The following TTC33 variants were observed in gnomAD, a reference collection of about 807,000 sequenced individuals.
TTC33 encodes tetratricopeptide repeat domain 33, also known as tetratricopeptide repeat protein 33.
A neutral mutation model predicts 29.4 loss-of-function variants in TTC33; 24 were observed. The observed-to-expected ratio is 0.82, with a 90% CI of 0.59 to 1.15. TTC33 has a LOEUF of 1.15. TTC33 is among the 50% of genes most tolerant of loss of function. The pLI, the probability that TTC33 is intolerant of heterozygous loss-of-function variation, is 0.00. For synonymous variants in TTC33, 107 were observed against 100.3 expected (o/e 1.07, Z -0.40); for missense variants, 286 against 310.4 (o/e 0.92, Z 0.59).
At chr5:40,740,930 T>TC (rs1282076313) in intron 2 of TTC33, among the ~76,000 whole-genome samples, 1 of 152,236 alleles carries the variant, frequency 6.6e-6, no homozygotes, top group Non-Finnish European at 1.5e-5. Flanking sequence ...TTCTAGATGT[T>TC]CCTTTTTTTA....
chr5:40,738,967 A>G lies in TTC33; in HGVS notation c.221+7831T>C, dbSNP rs184544891. On this transcript the variant is annotated intron_variant, in intron 2 of 4. Coordinates refer to ENST00000337702, the MANE Select transcript of TTC33 (RefSeq NM_012382.3). ...AACAAGTCCTACGTCAGATATATGG[A>G]CTGGAAATATTTTCTCCCAGCCTGT... Among the ~76,000 whole-genome samples the G allele has an allele frequency of 4.6e-5, 7 of 152,284 alleles. No homozygotes were observed. The East Asian group carries it at 1.3e-3, about 29-fold the overall frequency.
intron 2 of TTC33, among the ~76,000 whole-genome samples, chr5:40,743,343 C>A (rs1742733223): frequency 6.6e-6 from 1 of 152,068 alleles, no homozygotes; most frequent in African/African-American, 2.4e-5. Context: ...ATGAAGAAGG[C>A]CCATCTGGCT....
At position 40,722,321 on chromosome 5, in the gene TTC33, C is replaced by T. The variant is rs374019623; in HGVS notation, c.436-5823G>A. ...TGCCGAGATTGCATCCTCTGCCCGGCCGCCACCCCGTCTAGGAAGTGAGGA... is the reference window on the plus strand; with the variant it reads ...TGCCGAGATTGCATCCTCTGCCCGGTCGCCACCCCGTCTAGGAAGTGAGGA... On this transcript the variant is annotated intron_variant, in intron 4 of 4. Coordinates refer to ENST00000337702, the MANE Select transcript of TTC33 (RefSeq NM_012382.3). Among the ~76,000 whole-genome samples, 162 of 152,298 alleles carry T rather than the reference C, an allele frequency of 1.1e-3. 1 individual carries two copies. The East Asian group carries it at 0.026, about 25-fold the overall frequency.
At chr5:40,752,280 T>A (rs991856752) in intron 1 of TTC33, among the ~76,000 whole-genome samples, 3 of 152,176 alleles carry the variant, frequency 2.0e-5, no homozygotes, top group African/African-American at 7.2e-5. Context: ...AATAAAGCGG[T>A]TTTTGCTTTC....
intron 2 of TTC33, among the ~76,000 whole-genome samples, chr5:40,737,299 C>CA (rs574558543): frequency 0.035 from 4,119 of 116,254 alleles, 54 homozygotes; most frequent in Middle Eastern, 0.083. Context: ...GGCTCCACCT[C>CA]AAAAAAAAAA....
At chr5:40,738,539 C>CAATAAAATAAAATAA (rs1164887852) in intron 2 of TTC33, among the ~76,000 whole-genome samples, 1,095 of 66,828 alleles carry the variant, frequency 0.016, 60 homozygotes, top group East Asian at 0.11. Context: ...CAATAAAATA[C>CAATAAAATAAAATAA]AATAAAATAA....
chr5:40,712,361 T>C lies in TTC33; in HGVS notation c.*3784A>G, dbSNP rs905345730. ...TTCGAAATATAATCTGCACTAGTCT[T>C]TGTTAAAGTTTGAGGGAGTCATAAA... On this transcript the variant is annotated 3_prime_UTR_variant, in exon 5 of 5. Coordinates refer to ENST00000337702, the MANE Select transcript of TTC33 (RefSeq NM_012382.3). Among the ~76,000 whole-genome samples the C allele has an allele frequency of 1.3e-5, 2 of 152,162 alleles. No individual in the cohort carries two copies. Among genetic ancestry groups the C allele is most frequent in the African/African-American group, 4.8e-5 (2 of 41,448 alleles).
At chr5:40,723,239 G>A (rs1561144522) in intron 4 of TTC33, among the ~76,000 whole-genome samples, 2 of 152,040 alleles carry the variant, frequency 1.3e-5, no homozygotes, top group Non-Finnish European at 2.9e-5. Context: ...AAGGCAGCAT[G>A]CTCCTTAAGA....
At chr5:40,738,692 A>G (rs1742627518) in intron 2 of TTC33, among the ~76,000 whole-genome samples, 1 of 152,102 alleles carries the variant, frequency 6.6e-6, no homozygotes, top group Non-Finnish European at 1.5e-5. Context: ...AACTTGCTCC[A>G]TATCTTTGCC....
At chr5:40,742,239 C>T (rs1742709891) in intron 2 of TTC33, among the ~76,000 whole-genome samples, 1 of 151,836 alleles carries the variant, frequency 6.6e-6, no homozygotes, top group Admixed American at 6.6e-5. Flanking sequence ...TGGATTTCAG[C>T]CTTATAAGAA....
intron 4 of TTC33, among the ~76,000 whole-genome samples, chr5:40,718,383 A>G (rs1742052108): frequency 6.7e-6 from 1 of 149,192 alleles, no homozygotes; most frequent in Admixed American, 6.6e-5. Context: ...TCCAGCCTGG[A>G]TGAGAGAGCA....
Position 40,714,743 on chromosome 5 carries a change from TA to T in TTC33, c.*1401del, listed in dbSNP as rs1452744668. On this transcript the variant is annotated 3_prime_UTR_variant, in exon 5 of 5. Transcript: ENST00000337702. ...TAATTTCTCCAACCCTGAAAAGAGATATGCATTCCAATAAAACAAAAGTTTT... is the reference window on the plus strand; with the variant it reads ...TAATTTCTCCAACCCTGAAAAGAGATTGCATTCCAATAAAACAAAAGTTTT... 6.6e-6 allele frequency: 1 copy of T among 152,240 alleles called. No homozygotes were observed. The highest frequency in any genetic ancestry group is 1.5e-5 in the Non-Finnish European group (1 of 67,978). 9.4% of individuals were successfully genotyped at this position (152,240 alleles called of 1,614,324 possible).
At chr5:40,738,654 C>T (rs1354161765) in intron 2 of TTC33, among the ~76,000 whole-genome samples, 1 of 151,622 alleles carries the variant, frequency 6.6e-6, no homozygotes, top group Non-Finnish European at 1.5e-5. Context: ...AGCTATTTTA[C>T]ATTTTCATGA....
At chr5:40,745,557 CTCTGTCACCCAAGCT>C (rs1742774892) in intron 2 of TTC33, among the ~76,000 whole-genome samples, 1 of 151,792 alleles carries the variant, frequency 6.6e-6, no homozygotes, top group African/African-American at 2.4e-5. Context: ...CAGCGTCTCA[CTCTGTCACCCAAGCT>C]GGAACCCAAT....
At chr5:40,717,431 T>C (rs1742026345) in intron 4 of TTC33, among the ~76,000 whole-genome samples, 1 of 152,170 alleles carries the variant, frequency 6.6e-6, no homozygotes, top group Non-Finnish European at 1.5e-5. Context: ...TTATTCATTA[T>C]ATTATACTGC....
intron 2 of TTC33, among the ~76,000 whole-genome samples, chr5:40,743,779 A>AT (rs1188758585): frequency 6.6e-6 from 1 of 152,208 alleles, no homozygotes; most frequent in African/African-American, 2.4e-5. Context: ...ACCTCAAAAA[A>AT]ATATATATCT....
intron 1 of TTC33, among the ~76,000 whole-genome samples, chr5:40,751,659 C>T (rs1742896223): frequency 6.6e-6 from 1 of 152,084 alleles, no homozygotes; most frequent in Non-Finnish European, 1.5e-5. Flanking sequence ...CCTGTGTCAT[C>T]CACATTGAAA....
At chr5:40,733,365 A>G (rs933350461) in intron 2 of TTC33, among the ~76,000 whole-genome samples, 2 of 152,094 alleles carry the variant, frequency 1.3e-5, no homozygotes, top group African/African-American at 4.8e-5. Flanking sequence ...ACAACTATTC[A>G]ACTCTATTAC....
Position 40,747,015 on chromosome 5 carries a change from C to T in TTC33, c.4G>A (p.Ala2Thr). M[A>T]SFGWKRKIGE... ...ATTTTCCTCTTCCACCCAAAGGAAG[C>T]CATTCTGGAAAATTACAAAGAAACA... Residue 2 changes from alanine to threonine, a missense_variant, in exon 2 of 5, where the codon GCT becomes ACT. Transcript: ENST00000337702. The T allele has an allele frequency of 1.9e-6, 3 of 1,604,998 alleles. No individual in the cohort carries two copies. The highest frequency in any genetic ancestry group is 2.5e-6 in the Non-Finnish European group (3 of 1,177,450).
Sources: gnomAD v4.1 joint callset for allele counts (sites outside exome capture counted in the v4.1 genomes callset) on GRCh38, gnomAD v4.1.1 for gene constraint, MANE v1.5 for transcripts, NCBI Gene and HGNC (gene_info 2026-07-23, HGNC 2026-07-21) for gene names.